GLG1: variants seen among roughly 807,000 people sequenced by gnomAD.
The protein encoded by GLG1 is golgi glycoprotein 1, also known as Golgi apparatus protein 1.
GLG1 carries 38 observed loss-of-function variants against 160.5 expected under a neutral mutation model. That is an observed-to-expected ratio of 0.24 (90% CI 0.18 to 0.31). The LOEUF is 0.31. GLG1 is among the 10% of genes least tolerant of loss of function. The pLI is 1.00. For synonymous variants in GLG1, 644 were observed against 543.4 expected (o/e 1.19, Z -2.57); for missense variants, 1,373 against 1,505.2 (o/e 0.91, Z 1.45).
At chr16:74,546,403 C>A (rs2018047655) in intron 1 of GLG1, among the ~76,000 whole-genome samples, 1 of 152,094 alleles carries the variant, frequency 6.6e-6, no homozygotes, top group South Asian at 2.1e-4. Flanking sequence ...AGAGATCGCA[C>A]CACAGCACTG....
chr16:74,517,848 A>C (rs1285167219), intron 2 of GLG1, among the ~76,000 whole-genome samples: 1 of 152,206 alleles, frequency 6.6e-6, no homozygotes. Context: ...CAACTTCAGC[A>C]AAGTCTCAGG....
At chr16:74,476,521 T>G (rs2143283622) in intron 12 of GLG1, among the ~76,000 whole-genome samples, 1 of 152,344 alleles carries the variant, frequency 6.6e-6, no homozygotes, top group South Asian at 2.1e-4. Context: ...AGAGGGGGTT[T>G]TGTAGTGGTA....
chr16:74,508,778 C>G, intron 3 of GLG1, 61 bp downstream of exon 3: 4 of 759,224 alleles, frequency 5.3e-6, no homozygotes, highest in Non-Finnish European at 9.7e-6. Context: ...CTCATAAGGG[C>G]TGGTCTGGTA....
chr16:74,503,661 TG>T lies in GLG1; in HGVS notation c.643del (p.Gln215SerfsTer9). ...CATCTTGGTAATGTACTGGTGACACTGATACTCAGTGATGTTGCCTCGGTGA... is the reference window on the plus strand; with the variant it reads ...CATCTTGGTAATGTACTGGTGACACTATACTCAGTGATGTTGCCTCGGTGA... Reference protein sequence around the residue: ...VDHRGNITEYQCHQYITKMTA... With the variant: ...VDHRGNITEYXCHQYITKMTA... On this transcript the variant is annotated frameshift_variant, in exon 4 of 26. Transcript: ENST00000422840. LOFTEE classifies it high-confidence loss of function. 6.2e-7 allele frequency: 1 copy of T among 1,612,192 alleles called. No homozygotes were observed. Among genetic ancestry groups the T allele is most frequent in the Non-Finnish European group, 8.5e-7 (1 of 1,178,186 alleles).
chr16:74,586,301 G>T (rs1049825556), intron 1 of GLG1, among the ~76,000 whole-genome samples: 1 of 152,168 alleles, frequency 6.6e-6, no homozygotes, highest in East Asian at 1.9e-4. Flanking sequence ...ATATTTTTGG[G>T]TTTTTTATGG....
intron 12 of GLG1, among the ~76,000 whole-genome samples, chr16:74,476,408 C>A (rs1555508127): frequency 6.6e-6 from 1 of 152,152 alleles, no homozygotes; most frequent in African/African-American, 2.4e-5. Flanking sequence ...AAACAGACTG[C>A]TGAACATGAT....
intron 1 of GLG1, among the ~76,000 whole-genome samples, chr16:74,543,095 C>G (rs1024366171): frequency 9.2e-5 from 14 of 151,832 alleles, no homozygotes; most frequent in Non-Finnish European, 1.6e-4. Flanking sequence ...CTGGCCTAAG[C>G]AAGAGCAAAT....
At chr16:74,523,910 C>A (rs543481563) in intron 2 of GLG1, among the ~76,000 whole-genome samples, 1 of 151,842 alleles carries the variant, frequency 6.6e-6, no homozygotes, top group Non-Finnish European at 1.5e-5. Context: ...GCTGATAGTG[C>A]ATTTTAAAAA....
At position 74,527,572 on chromosome 16, in the gene GLG1, A is replaced by G. The variant is rs369429898; in HGVS notation, c.471+4549T>C. On this transcript the variant is annotated intron_variant, in intron 2 of 25. Coordinates refer to ENST00000422840, the MANE Select transcript of GLG1 (RefSeq NM_001145667.2). ...GCCAAGTCAGTTATCTTAAAGCATG[A>G]AAGAATAATAGTCATACGTATCAAT... Among the ~76,000 whole-genome samples the G allele has an allele frequency of 3.9e-5, 6 of 152,066 alleles. 1 individual carries two copies. The East Asian group carries it at 7.7e-4, about 20-fold the overall frequency.
At position 74,471,286 on chromosome 16, in the gene GLG1, C is replaced by T; in HGVS notation, c.2116G>A (p.Asp706Asn). The change falls in exon 15 of 26, where the codon GAT becomes AAT. Residue 706 changes from aspartate (D) to asparagine (N), a missense_variant and splice_region_variant. Transcript: ENST00000422840. Reference protein sequence around the residue: ...CEPIIQNFCHDVADNQIDSGD... With the variant: ...CEPIIQNFCHNVADNQIDSGD... ...GAGTCTATCTGGTTATCTGCCACAT[C>T]CTGGGGAAGACAGCATGCATTTACA... The T allele has an allele frequency of 6.6e-7, 1 of 1,516,724 alleles. No individual in the cohort carries two copies. The highest frequency in any genetic ancestry group is 9.2e-7 in the Non-Finnish European group (1 of 1,091,320). The allele number at this position is 1,516,724 out of a possible 1,614,324, so 94.0% of individuals were successfully genotyped here.
chr16:74,492,256 G>A (rs988470104), intron 7 of GLG1, among the ~76,000 whole-genome samples: 4 of 150,864 alleles, frequency 2.7e-5, no homozygotes, highest in African/African-American at 4.9e-5. Flanking sequence ...ATAGTGGTGC[G>A]TGCCTGTAAT....
chr16:74,477,865 C>G (rs1213574617), intron 11 of GLG1, among the ~76,000 whole-genome samples: 1 of 151,668 alleles, frequency 6.6e-6, no homozygotes, highest in African/African-American at 2.4e-5. Context: ...CCTAGCTACT[C>G]GGGAGGCTGA....
At position 74,471,290 on chromosome 16, in the gene GLG1, G is replaced by A. The variant is rs1245348363; in HGVS notation, c.2116-4C>T. On this transcript the variant is annotated splice_region_variant and splice_polypyrimidine_tract_variant and intron_variant, in intron 14 of 25. Transcript: ENST00000422840. Reference sequence around the variant, plus strand: ...CTATCTGGTTATCTGCCACATCCTGGGGAAGACAGCATGCATTTACACTTC... The same window carrying A: ...CTATCTGGTTATCTGCCACATCCTGAGGAAGACAGCATGCATTTACACTTC... 7 of 1,485,670 alleles carry A rather than the reference G, an allele frequency of 4.7e-6. No homozygotes were observed. The highest frequency in any genetic ancestry group is 1.4e-5 in the African/African-American group (1 of 72,516). The allele number at this position is 1,485,670 out of a possible 1,614,324, so 92.0% of individuals were successfully genotyped here. A position where few individuals can be genotyped will look rare whatever the true frequency, so the allele number is the denominator to read the frequency against.
At chr16:74,507,024 T>C (rs1034730905) in intron 3 of GLG1, among the ~76,000 whole-genome samples, 5 of 152,184 alleles carry the variant, frequency 3.3e-5, no homozygotes, top group South Asian at 2.1e-4. Context: ...TTTGTATTAA[T>C]AGTTTACAGG....
chr16:74,470,331 TTCTTTCCTTCCCTCCTTCCTTCCTTCCC>T (rs918804139), intron 15 of GLG1, among the ~76,000 whole-genome samples: 2 of 145,226 alleles, frequency 1.4e-5, no homozygotes, highest in African/African-American at 5.1e-5. Flanking sequence ...CTTCCTTTCC[TTCTTTCCTTCCCTCCTTCCTTCCTTCCC>T]TCCTTCCTTC....
chr16:74,580,542 G>A (rs1957915557), intron 1 of GLG1, among the ~76,000 whole-genome samples: 1 of 151,958 alleles, frequency 6.6e-6, no homozygotes, highest in Non-Finnish European at 1.5e-5. Flanking sequence ...TGGATCAAAG[G>A]CCTAAATGTA....
chr16:74,606,065 T>C (rs527504015), intron 1 of GLG1, among the ~76,000 whole-genome samples: 8 of 152,166 alleles, frequency 5.3e-5, no homozygotes, highest in Non-Finnish European at 1.2e-4. Context: ...CTTCAAACGC[T>C]TCCCCAACTT....
chr16:74,469,599 T>C lies in GLG1; in HGVS notation c.2318+386A>G, dbSNP rs77434768. On this transcript the variant is annotated intron_variant, in intron 16 of 25. Coordinates refer to ENST00000422840, the MANE Select transcript of GLG1 (RefSeq NM_001145667.2). ...AAAGATTCTGTTTCTTCACTAAATA[T>C]CTAATCCAATACAAAAACTGCTGCA... 5.1e-4 allele frequency: 106 copies of C among 209,864 alleles called. 1 individual carries two copies. The East Asian group carries it at 0.011, about 21-fold the overall frequency. The allele number at this position is 209,864 out of a possible 1,614,324, so 13.0% of individuals were successfully genotyped here.
intron 1 of GLG1, among the ~76,000 whole-genome samples, chr16:74,581,042 G>A (rs1364653999): frequency 6.6e-6 from 1 of 152,184 alleles, no homozygotes; most frequent in Admixed American, 6.6e-5. Context: ...AACTGTTGGT[G>A]GGAATATAAT....
Sources: allele counts gnomAD v4.1 joint callset (sites outside exome capture counted in the v4.1 genomes callset), GRCh38; gene constraint gnomAD v4.1.1; transcripts MANE v1.5; gene names NCBI Gene and HGNC (gene_info 2026-07-23, HGNC 2026-07-21).